Variants in ADGRA1 observed in about 807,000 individuals in gnomAD.
ADGRA1 encodes G-protein coupled receptor 123.
In ADGRA1, 12 loss-of-function variants were observed where a neutral mutation model predicts 21.3. That is an observed-to-expected ratio of 0.56 (90% confidence interval 0.36 to 0.91). The LOEUF is 0.91. Among genes scored for constraint, ADGRA1 ranks in the 40% least tolerant of loss-of-function variants. The pLI is 0.01. For missense variants in ADGRA1, 790 were observed against 805.6 expected (o/e 0.98, Z 0.23); for synonymous variants, 385 against 368.8 (o/e 1.04, Z -0.50).
intron 5 of ADGRA1, among the ~76,000 whole-genome samples, chr10:133,117,456 C>T (rs549964742): frequency 2.9e-4 from 44 of 152,318 alleles, no homozygotes; most frequent in African/African-American, 1.1e-3. Context: ...GACCTGCCCC[C>T]TGGGAGGTCC....
intron 1 of ADGRA1, 126 bp from the exon 2 acceptor site, chr10:133,088,582 C>A: frequency 2.0e-6 from 1 of 501,546 alleles, no homozygotes; most frequent in Non-Finnish European, 2.9e-6. Context: ...CAGGCGCAGC[C>A]CCCAGGCCGC....
At chr10:133,098,904 T>G (rs1199595969) in intron 4 of ADGRA1, 141 bp downstream of exon 4, 3 of 1,187,672 alleles carry the variant, frequency 2.5e-6, no homozygotes, top group South Asian at 1.5e-5. Context: ...TGTCTCGGCT[T>G]CACGCCATGC....
At chr10:133,109,760 A>G (rs1851953689) in intron 5 of ADGRA1, among the ~76,000 whole-genome samples, 1 of 152,210 alleles carries the variant, frequency 6.6e-6, no homozygotes, top group South Asian at 2.1e-4. Context: ...AACCAGAAAG[A>G]GACAAACGGC....
intron 5 of ADGRA1, among the ~76,000 whole-genome samples, chr10:133,107,835 T>C (rs1851920327): frequency 6.6e-6 from 1 of 152,264 alleles, no homozygotes; most frequent in Non-Finnish European, 1.5e-5. Context: ...AAAATTGTGC[T>C]GCAACTTTTA....
chr10:133,101,173 A>G (rs1564845260), intron 4 of ADGRA1, among the ~76,000 whole-genome samples: 1 of 152,174 alleles, frequency 6.6e-6, no homozygotes, highest in Non-Finnish European at 1.5e-5. Context: ...CTGCCTGCAT[A>G]TGGGCCAGTG....
At chr10:133,092,910 A>G (rs1851625762) in intron 2 of ADGRA1, 12 of 1,536,800 alleles carry the variant, frequency 7.8e-6, no homozygotes, top group Admixed American at 2.0e-5. Flanking sequence ...GAAGAAGGAG[A>G]AGGAGGACTG....
intron 4 of ADGRA1, 21 bp downstream of exon 4, chr10:133,098,784 G>T: frequency 6.2e-7 from 1 of 1,605,284 alleles, no homozygotes. Context: ...GGGCGCCCTC[G>T]TTGGCTCCTC....
chr10:133,101,599 G>C (rs1288872538), intron 4 of ADGRA1, among the ~76,000 whole-genome samples: 4 of 152,208 alleles, frequency 2.6e-5, no homozygotes, highest in Non-Finnish European at 5.9e-5. Context: ...CAGTGACACT[G>C]ACAGCCCCAC....
At chr10:133,114,820 T>G (rs1278637664) in intron 5 of ADGRA1, among the ~76,000 whole-genome samples, 3 of 152,186 alleles carry the variant, frequency 2.0e-5, no homozygotes, top group Admixed American at 1.3e-4. Flanking sequence ...CTGAGCTGTC[T>G]GCTGCCCGGT....
intron 5 of ADGRA1, among the ~76,000 whole-genome samples, chr10:133,105,754 A>G (rs1338587333): frequency 6.6e-6 from 1 of 152,180 alleles, no homozygotes; most frequent in Non-Finnish European, 1.5e-5. Flanking sequence ...CTCCGTGGGC[A>G]GGAACCTGCC....
chr10:133,122,212 C>T (rs7918783), intron 5 of ADGRA1, among the ~76,000 whole-genome samples: 97,142 of 151,682 alleles, frequency 0.64, 31,861 homozygotes, highest in African/African-American at 0.79. Context: ...GGCACCTGGG[C>T]CCAGGACCTT....
intron 5 of ADGRA1, among the ~76,000 whole-genome samples, chr10:133,111,473 A>G (rs61862106): frequency 0.2 from 195 of 966 alleles, 8 homozygotes; most frequent in Non-Finnish European, 0.23. Context: ...CCCACCACGG[A>G]CACCTCCCTC....
intron 4 of ADGRA1, among the ~76,000 whole-genome samples, chr10:133,099,417 AC>A (rs1333271015): frequency 6.6e-6 from 1 of 151,930 alleles, no homozygotes; most frequent in East Asian, 1.9e-4. Flanking sequence ...AGACCCCCCA[AC>A]CCCCGGAAGC....
intron 5 of ADGRA1, among the ~76,000 whole-genome samples, chr10:133,122,982 G>A (rs1490154399): frequency 6.6e-6 from 1 of 152,188 alleles, no homozygotes; most frequent in African/African-American, 2.4e-5. Flanking sequence ...TCCTGTAACC[G>A]TCGGTAGCTG....
chr10:133,088,163 C>A (rs1299253107), intron 1 of ADGRA1, 25 bp downstream of exon 1: 4 of 946,058 alleles, frequency 4.2e-6, no homozygotes, highest in Non-Finnish European at 3.8e-6. Flanking sequence ...CGGGTCTGGG[C>A]GGCGGGAGGG....
At chr10:133,103,958 C>T (rs183224158) in intron 5 of ADGRA1, among the ~76,000 whole-genome samples, 5 of 152,350 alleles carry the variant, frequency 3.3e-5, no homozygotes, top group Non-Finnish European at 5.9e-5. Flanking sequence ...GCACCCCCGC[C>T]AGAGGCTGCT....
At chr10:133,110,457 G>T (rs182622583) in intron 5 of ADGRA1, among the ~76,000 whole-genome samples, 2,914 of 152,126 alleles carry the variant, frequency 0.019, 40 homozygotes, top group Non-Finnish European at 0.027. Context: ...CAGGCAGTGC[G>T]TGGGGAATGT....
At chr10:133,106,332 G>A (rs764989322) in intron 5 of ADGRA1, among the ~76,000 whole-genome samples, 32 of 152,228 alleles carry the variant, frequency 2.1e-4, no homozygotes, top group Non-Finnish European at 4.4e-4. Context: ...AGCAGCATCC[G>A]GTGAGGCCCC....
intron 4 of ADGRA1, among the ~76,000 whole-genome samples, chr10:133,101,138 G>C (rs533746265): frequency 1.3e-5 from 2 of 152,216 alleles, no homozygotes. Context: ...TGAGGGTCTA[G>C]TAAAAACTAG....
Sources: gnomAD v4.1 joint callset for allele counts (sites outside exome capture counted in the v4.1 genomes callset) on GRCh38, gnomAD v4.1.1 for gene constraint, MANE v1.5 for transcripts, NCBI Gene and HGNC (gene_info 2026-07-23, HGNC 2026-07-21) for gene names.